Variants in ABCA4 observed in about 807,000 individuals in gnomAD.
ABCA4 encodes the protein ATP binding cassette subfamily A member 4, also known as retinal-specific phospholipid-transporting ATPase ABCA4.
ABCA4 carries 196 observed loss-of-function variants against 263.7 expected under a neutral mutation model. That is an observed-to-expected ratio of 0.74 (90% CI 0.66 to 0.84). The LOEUF is 0.84. ABCA4 is among the 40% of genes least tolerant of loss of function. ABCA4 has a pLI of 0.00. For missense variants in ABCA4, 2,792 were observed against 2,855.1 expected (o/e 0.98, Z 0.50); for synonymous variants, 1,133 against 1,094.2 (o/e 1.04, Z -0.70).
rs762125655 is a variant in ABCA4, at chr1:94,037,194, G to A, written c.3764C>T (p.Ala1255Val). 6.2e-6 allele frequency: 10 copies of A among 1,614,118 alleles called. 1 individual carries two copies. The Admixed American group carries it at 1.5e-4, about 24-fold the overall frequency. The change falls in exon 25 of 50, where the codon GCT becomes GTT. Residue 1255 changes from alanine to valine, a missense_variant. Coordinates refer to ENST00000370225, the MANE Select transcript of ABCA4 (RefSeq NM_000350.3). ...SLFRELEETL[A>V]DLGLSSFGIS... ...TCCAAAACTGCTGAGACCAAGGTCA[G>A]CCAGCGTCTCCTCCAGCTCTCTGAA... is the stretch of plus-strand genomic sequence containing the variant.
chr1:94,043,254 C>G, intron 21 of ABCA4, 82 bp downstream of exon 21: 8 of 1,600,280 alleles, frequency 5.0e-6, no homozygotes, highest in Non-Finnish European at 6.8e-6. Flanking sequence ...CTCTCCTGCT[C>G]CAAGCCTCCC....
intron 1 of ABCA4, among the ~76,000 whole-genome samples, chr1:94,117,632 C>T (rs897548849): frequency 3.3e-5 from 5 of 152,082 alleles, no homozygotes; most frequent in Middle Eastern, 3.2e-3. Flanking sequence ...AGAGAGCGCT[C>T]GTCATTGGGA....
At chr1:94,100,205 CT>C (rs1662252049) in intron 5 of ABCA4, among the ~76,000 whole-genome samples, 2 of 152,152 alleles carry the variant, frequency 1.3e-5, no homozygotes, top group South Asian at 4.1e-4. Flanking sequence ...GGTGTGGACA[CT>C]TTCGATCTCA....
rs1383277907 is a variant in ABCA4, at chr1:94,098,999, G to A, written c.571-8C>T. The A allele has an allele frequency of 2.5e-6, 4 of 1,602,192 alleles. No individual in the cohort carries two copies. The South Asian group carries it at 3.3e-5, about 13-fold the overall frequency. ...CGGGACTCCATGAGCGAACTGCAGG[G>A]AGAAGAGGCAACACTAGAAACTGCC... On this transcript the variant is annotated splice_polypyrimidine_tract_variant and splice_region_variant and intron_variant, in intron 5 of 49. Transcript: ENST00000370225.
intron 4 of ABCA4, among the ~76,000 whole-genome samples, chr1:94,104,165 A>G (rs1662358416): frequency 1.3e-5 from 2 of 152,182 alleles, no homozygotes; most frequent in Admixed American, 6.5e-5. Flanking sequence ...TCCAGGGCCA[A>G]TGCTTGGCCT....
chr1:94,118,385 G>A (rs551142130), intron 1 of ABCA4, among the ~76,000 whole-genome samples: 20 of 152,348 alleles, frequency 1.3e-4, no homozygotes, highest in Middle Eastern at 6.8e-3. Flanking sequence ...CTCTTGCTCT[G>A]CTTACAGGAG....
In ABCA4 at chr1:94,116,172, A is replaced by G. The variant is rs190792733; in HGVS notation, c.67-3106T>C. On this transcript the variant is annotated intron_variant, in intron 1 of 49. Transcript: ENST00000370225. ...TCCTCTCAGGAGTAGGGGAGGGATCAGCACCTCCTTTCTCCCTTCCTTCTT... is the reference window on the plus strand; with the variant it reads ...TCCTCTCAGGAGTAGGGGAGGGATCGGCACCTCCTTTCTCCCTTCCTTCTT... 3.2e-3 allele frequency among the ~76,000 whole-genome samples: 483 copies of G among 152,296 alleles called. 3 individuals are homozygous for G. Among genetic ancestry groups the G allele is most frequent in the Non-Finnish European group, 5.2e-3 (355 of 68,010 alleles).
chr1:94,046,328 G>GGTAT (rs1660676033), intron 19 of ABCA4, among the ~76,000 whole-genome samples: 1 of 148,848 alleles, frequency 6.7e-6, no homozygotes, highest in Admixed American at 6.7e-5. Flanking sequence ...TGGGCATGGT[G>GGTAT]GTATGCACCT....
intron 38 of ABCA4, among the ~76,000 whole-genome samples, chr1:94,012,436 C>T (rs1240553834): frequency 6.6e-6 from 1 of 152,206 alleles, no homozygotes; most frequent in Non-Finnish European, 1.5e-5. Flanking sequence ...TTCCTCTCTC[C>T]CAGCACTTAT....
intron 17 of ABCA4, among the ~76,000 whole-genome samples, chr1:94,050,795 A>C (rs999874535): frequency 1.3e-5 from 2 of 152,240 alleles, no homozygotes; most frequent in African/African-American, 2.4e-5. Context: ...AAAAAGAAAA[A>C]AAAAGACTAA....
chr1:94,001,282 A>G (rs1376835350), intron 45 of ABCA4, among the ~76,000 whole-genome samples, 177 bp from the exon 46 acceptor site: 1 of 152,192 alleles, frequency 6.6e-6, no homozygotes, highest in Admixed American at 6.5e-5. Flanking sequence ...CAGGAGGTGG[A>G]TCCAAGAGTA....
intron 3 of ABCA4, among the ~76,000 whole-genome samples, chr1:94,110,003 G>A (rs761224384): frequency 3.9e-5 from 6 of 152,030 alleles, no homozygotes; most frequent in Non-Finnish European, 7.4e-5. Flanking sequence ...TGCCAGGGCC[G>A]TTCCCACCAA....
chr1:94,032,968 C>T (rs952020697), intron 26 of ABCA4, among the ~76,000 whole-genome samples: 4 of 152,100 alleles, frequency 2.6e-5, no homozygotes, highest in Non-Finnish European at 4.4e-5. Flanking sequence ...AAATCAGAGT[C>T]GATGTGGTTC....
rs61753045 is a variant in ABCA4, at chr1:93,997,981, G to A, written c.6609C>T (p.Tyr2203=). The change falls in exon 48 of 50, where the codon TAC becomes TAT. Residue 2203 remains tyrosine (Y), a synonymous_variant. Coordinates refer to ENST00000370225, the MANE Select transcript of ABCA4 (RefSeq NM_000350.3). Reference sequence around the variant, plus strand: ...AGGAGACCTGGAACTGGAGCATGTTGTAGTGCCTCTCCCTCTGCACACTGC... The same window carrying A: ...AGGAGACCTGGAACTGGAGCATGTTATAGTGCCTCTCCCTCTGCACACTGC... ...FPGSVQRERH[Y]NMLQFQVSSS... 6.2e-7 allele frequency: 1 copy of A among 1,614,050 alleles called. No homozygotes were observed. Among genetic ancestry groups the A allele is most frequent in the African/African-American group, 1.3e-5 (1 of 74,930 alleles).
chr1:94,117,612 T>C (rs1050092387), intron 1 of ABCA4, among the ~76,000 whole-genome samples: 1 of 152,128 alleles, frequency 6.6e-6, no homozygotes, highest in South Asian at 2.1e-4. Context: ...ATACTTGTCT[T>C]GTGCAGTGGA....
chr1:94,048,897 TC>T lies in ABCA4; in HGVS notation c.2713del (p.Glu905ArgfsTer27), dbSNP rs869312184. The part of the protein sequence containing the change: ...EKTEPLTEET[E>X]DPEHPEGIHD... ...TATTCCTTCTGGGTGCTCTGGATCC[TC>T]CGTTTCCTCTGTTAGGGGCTCGGTC... is the stretch of plus-strand genomic sequence containing the variant. On this transcript the variant is annotated frameshift_variant, in exon 18 of 50. Coordinates refer to ENST00000370225, the MANE Select transcript of ABCA4 (RefSeq NM_000350.3). LOFTEE classifies it high-confidence loss of function. 1 of 1,614,176 alleles carries T rather than the reference TC, an allele frequency of 6.2e-7. No homozygotes were observed.
chr1:94,004,861 T>TA (rs562462547), intron 44 of ABCA4, among the ~76,000 whole-genome samples: 17 of 152,248 alleles, frequency 1.1e-4, no homozygotes, highest in Non-Finnish European at 2.4e-4. Flanking sequence ...TAAGCAGACA[T>TA]ACGTTTACTT....
intron 22 of ABCA4, among the ~76,000 whole-genome samples, chr1:94,042,181 AC>A (rs1660509453): frequency 6.6e-6 from 1 of 151,866 alleles, no homozygotes; most frequent in Admixed American, 6.6e-5. Flanking sequence ...AGAGAAAGGC[AC>A]GGGGCAACGC....
chr1:94,064,634 G>C (rs1436182178), intron 11 of ABCA4, among the ~76,000 whole-genome samples: 1 of 152,172 alleles, frequency 6.6e-6, no homozygotes, highest in African/African-American at 2.4e-5. Context: ...ATCTCTAGTG[G>C]CAGGGCCAGG....
Sources: gnomAD v4.1 joint callset for allele counts (sites outside exome capture counted in the v4.1 genomes callset) on GRCh38, gnomAD v4.1.1 for gene constraint, MANE v1.5 for transcripts, NCBI Gene and HGNC (gene_info 2026-07-23, HGNC 2026-07-21) for gene names.